LPAR1: variants seen among roughly 807,000 people sequenced by gnomAD.
LPAR1 encodes LPA receptor 1.
A neutral mutation model predicts 23.8 loss-of-function variants in LPAR1; 5 were observed. That is an observed-to-expected ratio of 0.21 (90% CI 0.11 to 0.44). The LOEUF is 0.44. LPAR1 is among the 20% of genes least tolerant of loss of function. The pLI is 0.99. For synonymous variants in LPAR1, 160 were observed against 164.7 expected, an observed-to-expected ratio of 0.97 and a Z score of 0.22; for missense variants, 311 against 482.8, an observed-to-expected ratio of 0.64 and a Z score of 3.33.
Position 111,019,556 on chromosome 9 carries a change from G to C in LPAR1, c.-182+16566C>G, listed in dbSNP as rs562217471. On this transcript the variant is annotated intron_variant, in intron 2 of 5. Transcript: ENST00000683809. Reference sequence around the variant, plus strand: ...CTTTTATTCCCTACCCAAATTAGTGGAATGTTGTATTAGCTTAGGCTGCCA... The same window carrying C: ...CTTTTATTCCCTACCCAAATTAGTGCAATGTTGTATTAGCTTAGGCTGCCA... Among the ~76,000 whole-genome samples the C allele has an allele frequency of 1.7e-4, 26 of 152,192 alleles. No homozygotes were observed. In the East Asian group the frequency reaches 4.4e-3, roughly 26 times the overall value.
upstream of LPAR1, chr9:111,038,803 G>T: frequency 3.1e-6 from 1 of 327,458 alleles, no homozygotes; most frequent in South Asian, 2.1e-5. This position sits in a 1 kb window ranked among gnomAD's most constrained non-coding sequence, Gnocchi z 4.4. Context: ...CCCCCGAGTC[G>T]ACACACCCGC....
At chr9:110,888,412 G>C (rs2083010422) in intron 5 of LPAR1, among the ~76,000 whole-genome samples, 1 of 152,110 alleles carries the variant, frequency 6.6e-6, no homozygotes, top group African/African-American at 2.4e-5. Context: ...GTTTTCATCA[G>C]TTCTTTTTTT....
At chr9:110,905,409 G>C (rs2090918078) in intron 5 of LPAR1, among the ~76,000 whole-genome samples, 1 of 150,496 alleles carries the variant, frequency 6.6e-6, no homozygotes, top group African/African-American at 2.5e-5. Context: ...GCAGTGGCAT[G>C]ATCTTGGCTC....
chr9:111,024,306 T>A (rs1209905802), intron 2 of LPAR1, among the ~76,000 whole-genome samples: 1 of 151,304 alleles, frequency 6.6e-6, no homozygotes, highest in Non-Finnish European at 1.5e-5. Context: ...CAATCTCATA[T>A]GATTCAACTT....
intron 5 of LPAR1, among the ~76,000 whole-genome samples, chr9:110,911,935 T>C (rs1458786023): frequency 6.6e-6 from 1 of 152,168 alleles, no homozygotes; most frequent in African/African-American, 2.4e-5. Context: ...AGAAAAGGGC[T>C]GGGTGATTGT....
rs200290018 is a variant in LPAR1, at chr9:111,007,663, G to T, written c.-182+28459C>A. Among the ~76,000 whole-genome samples the T allele has an allele frequency of 3.0e-4, 45 of 152,140 alleles. No homozygotes were observed. In the East Asian group the frequency reaches 8.7e-3, roughly 29 times the overall value. On this transcript the variant is annotated intron_variant, in intron 2 of 5. Transcript: ENST00000683809. ...GCACTTTCGAGCACTGTGATCAGGG[G>T]TTTCAGTATGGAAAAATCTCATCCT...
At chr9:111,038,715 C>A (rs1330264500), upstream of LPAR1, 2 of 451,380 alleles carry the variant, frequency 4.4e-6, no homozygotes, top group East Asian at 1.5e-4. The surrounding 1 kb of genome is among the most constrained non-coding windows in gnomAD (Gnocchi z 4.4). Context: ...GGCTCGACAG[C>A]CCACGGTGGT....
At chr9:110,911,002 T>C (rs1022417979) in intron 5 of LPAR1, among the ~76,000 whole-genome samples, 1 of 152,210 alleles carries the variant, frequency 6.6e-6, no homozygotes. Context: ...TCAACTTAGT[T>C]GATAAAGCAG....
At chr9:110,993,128 A>AT (rs200819808) in intron 2 of LPAR1, among the ~76,000 whole-genome samples, 6 of 151,640 alleles carry the variant, frequency 4.0e-5, no homozygotes, top group Non-Finnish European at 7.4e-5. Context: ...CCACAAACTA[A>AT]TTTTTTTTTA....
chr9:111,031,200 A>T (rs1209116829), intron 2 of LPAR1, among the ~76,000 whole-genome samples: 1 of 152,086 alleles, frequency 6.6e-6, no homozygotes, highest in Non-Finnish European at 1.5e-5. Flanking sequence ...TGTATCCCTG[A>T]GTGACTTCAA....
At chr9:110,943,857 C>A (rs1431960175) in intron 4 of LPAR1, among the ~76,000 whole-genome samples, 2 of 130,536 alleles carry the variant, frequency 1.5e-5, no homozygotes, top group African/African-American at 5.9e-5. Context: ...AAGACCCCAA[C>A]TCCATCTCAA....
In LPAR1 at chr9:110,910,009, A is replaced by G. The variant is rs917543069; in HGVS notation, c.793+31412T>C. On this transcript the variant is annotated intron_variant, in intron 5 of 5. Transcript: ENST00000683809. ...AGCTATCCACCTGCCTCGGCTTCCC[A>G]AAGTGCTAGGATTATAGGCATGAGC... Among the ~76,000 whole-genome samples the G allele has an allele frequency of 2.0e-5, 3 of 152,124 alleles. No homozygotes were observed. The East Asian group carries it at 5.8e-4, about 29-fold the overall frequency.
chr9:110,905,189 G>A (rs2090789909), intron 5 of LPAR1, among the ~76,000 whole-genome samples: 1 of 152,172 alleles, frequency 6.6e-6, no homozygotes, highest in African/African-American at 2.4e-5. Flanking sequence ...AACTTAACAT[G>A]CTCTCACTTC....
intron 2 of LPAR1, among the ~76,000 whole-genome samples, chr9:111,002,881 G>T (rs2097153612): frequency 6.6e-6 from 1 of 152,168 alleles, no homozygotes; most frequent in Non-Finnish European, 1.5e-5. Context: ...GCTCACACTT[G>T]TAATCCCGGC....
At chr9:110,940,025 C>T (rs1212492011) in intron 5 of LPAR1, among the ~76,000 whole-genome samples, 1 of 152,124 alleles carries the variant, frequency 6.6e-6, no homozygotes, top group African/African-American at 2.4e-5. Flanking sequence ...TGCTTAAGGT[C>T]CTGTTAATAA....
intron 5 of LPAR1, among the ~76,000 whole-genome samples, chr9:110,895,180 A>G (rs2085883849): frequency 6.6e-6 from 1 of 152,214 alleles, no homozygotes; most frequent in African/African-American, 2.4e-5. Context: ...TCTAAGAGGA[A>G]TGGACTATCT....
intron 4 of LPAR1, among the ~76,000 whole-genome samples, chr9:110,970,386 T>A (rs1487641993): frequency 6.6e-6 from 1 of 152,012 alleles, no homozygotes. Flanking sequence ...ACCAAAAAAG[T>A]CTATTGAAGA....
intron 5 of LPAR1, among the ~76,000 whole-genome samples, chr9:110,879,508 G>A (rs1233765207): frequency 6.6e-6 from 1 of 151,452 alleles, no homozygotes; most frequent in Non-Finnish European, 1.5e-5. Context: ...AGATGTCCAA[G>A]GTCACAAAGG....
intron 5 of LPAR1, among the ~76,000 whole-genome samples, chr9:110,902,551 A>G (rs1216137252): frequency 6.6e-6 from 1 of 152,054 alleles, no homozygotes; most frequent in Non-Finnish European, 1.5e-5. Flanking sequence ...TGGAACTGGG[A>G]GTCAATTAAA....
Sources: gnomAD v4.1 joint callset for allele counts (sites outside exome capture counted in the v4.1 genomes callset) on GRCh38, gnomAD v4.1.1 for gene constraint, Gnocchi (gnomAD v3.1) non-coding constraint, MANE v1.5 for transcripts, NCBI Gene and HGNC (gene_info 2026-07-23, HGNC 2026-07-21) for gene names.